CFAP20DC: variants seen among roughly 807,000 people sequenced by gnomAD.
CFAP20DC encodes protein CFAP20DC.
A neutral mutation model predicts 101.7 loss-of-function variants in CFAP20DC; 84 were observed. The ratio of observed to expected loss-of-function variants is 0.83; its 90% confidence interval spans 0.69 to 0.99. The LOEUF is 0.99. Ranked by LOEUF, CFAP20DC falls within the 50% of genes least tolerant of loss-of-function variation. CFAP20DC has a pLI of 0.00. For missense variants in CFAP20DC, 1,007 were observed against 970.3 expected, an observed-to-expected ratio of 1.04 and a Z score of -0.50; for synonymous variants, 359 against 351.2, an observed-to-expected ratio of 1.02 and a Z score of -0.25.
At chr3:58,996,342 G>C (rs911198468) in intron 4 of CFAP20DC, among the ~76,000 whole-genome samples, 26 of 152,110 alleles carry the variant, frequency 1.7e-4, no homozygotes, top group Admixed American at 1.7e-3. Context: ...TAGGCTTCAC[G>C]TAACAACCCA....
chr3:58,719,828 C>A (rs1372956807), intron 3 of CFAP20DC, among the ~76,000 whole-genome samples: 1 of 152,222 alleles, frequency 6.6e-6, no homozygotes, highest in East Asian at 1.9e-4. Context: ...ACAGAACTGA[C>A]TGGAGTCCAC....
At chr3:58,878,610 T>C (rs2080956710) in intron 7 of CFAP20DC, among the ~76,000 whole-genome samples, 1 of 152,190 alleles carries the variant, frequency 6.6e-6, no homozygotes, top group Non-Finnish European at 1.5e-5. Context: ...TTCCATCATT[T>C]GGGCTTGGAA....
At chr3:58,840,079 C>G (rs2076996780) in intron 13 of CFAP20DC, among the ~76,000 whole-genome samples, 1 of 152,152 alleles carries the variant, frequency 6.6e-6, no homozygotes, top group African/African-American at 2.4e-5. Context: ...CAAGTTACAC[C>G]TGGAAAATTT....
At chr3:58,990,754 GGTGTGT>G (rs71091398) in intron 4 of CFAP20DC, among the ~76,000 whole-genome samples, 504 of 144,022 alleles carry the variant, frequency 3.5e-3, no homozygotes, top group Non-Finnish European at 5.2e-3. Flanking sequence ...ATGCTCAGCT[GGTGTGT>G]GTGTGTGTGT....
At position 58,849,026 on chromosome 3, in the gene CFAP20DC, A is replaced by T; in HGVS notation, c.1971+6T>A. The T allele has an allele frequency of 6.5e-7, 1 of 1,534,406 alleles. No individual in the cohort carries two copies. Among genetic ancestry groups the T allele is most frequent in the Middle Eastern group, 1.8e-4 (1 of 5,662 alleles). On this transcript the variant is annotated splice_donor_region_variant and intron_variant, in intron 13 of 16. Coordinates refer to ENST00000482387, the MANE Select transcript of CFAP20DC (RefSeq NM_001394063.1). The stretch of plus-strand genomic sequence containing the variant: ...GGCATCTGTAAACCACACGGGAACC[A>T]CTTACAGATGCTTCGGGGATCGAGC...
chr3:58,856,341 G>T (rs2078826017), intron 12 of CFAP20DC, among the ~76,000 whole-genome samples: 1 of 150,240 alleles, frequency 6.7e-6, no homozygotes, highest in Admixed American at 6.7e-5. Flanking sequence ...TTATCTTTCA[G>T]TGTTCCAGAT....
chr3:58,758,806 C>T (rs192383445), intron 15 of CFAP20DC, among the ~76,000 whole-genome samples: 52 of 152,010 alleles, frequency 3.4e-4, no homozygotes, highest in East Asian at 2.9e-3. Context: ...TTTGACCTTG[C>T]GATAGTTTGC....
intron 15 of CFAP20DC, among the ~76,000 whole-genome samples, chr3:58,754,913 G>A (rs1017914193): frequency 6.6e-6 from 1 of 152,144 alleles, no homozygotes; most frequent in African/African-American, 2.4e-5. Context: ...AACATTTGGT[G>A]TGAATATGGG....
intron 16 of CFAP20DC, among the ~76,000 whole-genome samples, chr3:58,744,882 G>A (rs1007676131): frequency 5.3e-5 from 8 of 152,166 alleles, no homozygotes; most frequent in African/African-American, 1.9e-4. Context: ...GCAGAATTTT[G>A]TAGATGAACT....
intron 15 of CFAP20DC, among the ~76,000 whole-genome samples, chr3:58,773,450 G>A (rs904865495): frequency 2.6e-5 from 4 of 152,114 alleles, no homozygotes; most frequent in Non-Finnish European, 4.4e-5. Context: ...GGGCTACTTG[G>A]GGGGCTGAAG....
At position 58,722,520 on chromosome 3, in the gene CFAP20DC, C is replaced by CT. The variant is rs761656064; in HGVS notation, c.198-4893dup. On this transcript the variant is annotated intron_variant, in intron 3 of 3. Transcript: ENST00000486145. This position sits in a 1 kb window ranked among gnomAD's most constrained non-coding sequence, Gnocchi z 4.5. ...ACTCAGAGGTTCTGTTTAAAGGACT[C>CT]TAATTCTCTCTCGTGATGGAGTAGA... Among the ~76,000 whole-genome samples, 181 of 152,290 alleles carry CT rather than the reference C, an allele frequency of 1.2e-3. No homozygotes were observed. Among genetic ancestry groups the CT allele is most frequent in the Middle Eastern group, 6.8e-3 (2 of 294 alleles).
At chr3:58,995,918 C>A (rs191633256) in intron 4 of CFAP20DC, among the ~76,000 whole-genome samples, 3 of 152,226 alleles carry the variant, frequency 2.0e-5, no homozygotes, top group Admixed American at 2.0e-4. Context: ...GCTTGCCAGA[C>A]TGTAGGTCAT....
chr3:58,862,582 A>C, intron 12 of CFAP20DC: 2 of 985,450 alleles, frequency 2.0e-6, no homozygotes, highest in Non-Finnish European at 2.4e-6. Context: ...TACTGCTTAA[A>C]CAATCCCACT....
At chr3:58,924,092 A>T (rs995423062) in intron 5 of CFAP20DC, among the ~76,000 whole-genome samples, 1 of 152,130 alleles carries the variant, frequency 6.6e-6, no homozygotes, top group Non-Finnish European at 1.5e-5. Context: ...AATTTTTTAA[A>T]ATTATAGATT....
chr3:58,821,249 A>G (rs959126708), intron 14 of CFAP20DC, among the ~76,000 whole-genome samples: 1 of 152,224 alleles, frequency 6.6e-6, no homozygotes, highest in East Asian at 1.9e-4. Context: ...GACTTCATGT[A>G]CAAAACAACA....
At chr3:58,890,252 G>A (rs1228994187) in intron 6 of CFAP20DC, among the ~76,000 whole-genome samples, 35 of 150,012 alleles carry the variant, frequency 2.3e-4, no homozygotes, top group Admixed American at 9.2e-4. Context: ...CCCAGTAGGG[G>A]CCGCCGGGCA....
At chr3:58,929,557 C>T (rs2086358028) in intron 5 of CFAP20DC, among the ~76,000 whole-genome samples, 1 of 152,194 alleles carries the variant, frequency 6.6e-6, no homozygotes, top group African/African-American at 2.4e-5. Flanking sequence ...ACTGGAGTCA[C>T]ATTTAATGTT....
intron 15 of CFAP20DC, among the ~76,000 whole-genome samples, chr3:58,754,224 C>CA (rs747590935): frequency 1.5e-4 from 23 of 152,258 alleles, no homozygotes; most frequent in Middle Eastern, 3.4e-3. Context: ...GAAAGCGTGA[C>CA]AAAGTCACAT....
chr3:58,992,411 C>T (rs746820492), intron 4 of CFAP20DC: 6 of 212,480 alleles, frequency 2.8e-5, no homozygotes, highest in Admixed American at 6.5e-5. Context: ...GAGTGAGTGG[C>T]ATATGGCCCT....
Sources: gnomAD v4.1 joint callset for allele counts (sites outside exome capture counted in the v4.1 genomes callset) on GRCh38, gnomAD v4.1.1 for gene constraint, Gnocchi (gnomAD v3.1) non-coding constraint, MANE v1.5 for transcripts, NCBI Gene and HGNC (gene_info 2026-07-23, HGNC 2026-07-21) for gene names.